KRTAP10-8: variants seen among roughly 807,000 people sequenced by gnomAD.
KRTAP10-8 encodes keratin-associated protein 10-8.
For synonymous variants in KRTAP10-8, 153 were observed against 139.5 expected (o/e 1.10, Z -0.68); for missense variants, 323 against 329.3 (o/e 0.98, Z 0.15).
rs782723091 is a variant in KRTAP10-8 at position 44,612,303 on chromosome 21, C to G, written c.203C>G (p.Pro68Arg). The G allele has an allele frequency of 1.2e-6, 2 of 1,613,622 alleles. No individual in the cohort carries two copies. The highest frequency in any genetic ancestry group is 1.7e-6 in the Non-Finnish European group (2 of 1,180,008). The change falls in exon 1 of 1, where the codon CCA becomes CGA. Residue 68 changes from proline (P) to arginine (R), a missense_variant. Transcript: ENST00000334662. The surrounding 1 kb of genome is among the most constrained non-coding windows in gnomAD (Gnocchi z 4.1). ...TGCTGTACCCCTAGCTGCTGTGCCC[C>G]AGCCCCCTGCCTGGCCCTGGTCTGT... ...SSCCTPSCCA[P>R]APCLALVCAP...
the KRTAP10-8 span, chr21:44,612,443 C>T: frequency 6.2e-7 from 1 of 1,613,210 alleles, no homozygotes; most frequent in East Asian, 2.2e-5. The surrounding 1 kb of genome is among the most constrained non-coding windows in gnomAD (Gnocchi z 4.1). Context: ...CTCCCCCTGC[C>T]AACAGGCCTG....
Position 44,612,944 on chromosome 21 carries a change from G to A in KRTAP10-8, c.*64G>A, listed in dbSNP as rs587615242. ...ACGTCCCCCAGGGCCAGCCGGCTCC[G>A]GTCCTGTCCTGGGTTAAGTGGCTGC... is the stretch of plus-strand genomic sequence containing the variant. On this transcript the variant is annotated 3_prime_UTR_variant, in exon 1 of 1. Transcript: ENST00000334662. This position sits in a 1 kb window ranked among gnomAD's most constrained non-coding sequence, Gnocchi z 4.1. 74 of 1,587,046 alleles carry A rather than the reference G, an allele frequency of 4.7e-5. No homozygotes were observed. Among genetic ancestry groups the A allele is most frequent in the Middle Eastern group, 2.0e-4 (1 of 4,932 alleles).
chr21:44,612,815 T>C lies in KRTAP10-8; in HGVS notation c.715T>C (p.Cys239Arg), dbSNP rs1407682401. 6.2e-7 allele frequency: 1 copy of C among 1,612,942 alleles called. No homozygotes were observed. The highest frequency in any genetic ancestry group is 8.5e-7 in the Non-Finnish European group (1 of 1,179,806). Residue 239 changes from cysteine (C) to arginine (R), a missense_variant, in exon 1 of 1, where the codon TGC (cysteine) becomes CGC (arginine). Cys to Arg is a radical substitution (Grantham distance 180). Coordinates refer to ENST00000334662, the MANE Select transcript of KRTAP10-8 (RefSeq NM_198695.2). The surrounding 1 kb of genome is among the most constrained non-coding windows in gnomAD (Gnocchi z 4.1). Reference sequence around the variant, plus strand: ...CCCTGCCTCCTCCTGCCAGCCCAGCTGCTGCCACCCGGCCTCCTGCCTGTC... The same window carrying C: ...CCCTGCCTCCTCCTGCCAGCCCAGCCGCTGCCACCCGGCCTCCTGCCTGTC... Reference protein sequence around the residue: ...CVPASSCQPSCCHPASCLSFL... With the variant: ...CVPASSCQPSRCHPASCLSFL...
rs1555931072 is a variant in KRTAP10-8 at position 44,612,134 on chromosome 21, A to G, written c.34A>G (p.Ile12Val). 6.2e-7 allele frequency: 1 copy of G among 1,614,056 alleles called. No homozygotes were observed. The highest frequency in any genetic ancestry group is 1.7e-5 in the Admixed American group (1 of 60,016). Residue 12 changes from isoleucine to valine, a missense_variant, in exon 1 of 1, where the codon ATT (isoleucine) becomes GTT (valine). Coordinates refer to ENST00000334662, the MANE Select transcript of KRTAP10-8 (RefSeq NM_198695.2). The surrounding 1 kb of genome is among the most constrained non-coding windows in gnomAD (Gnocchi z 4.1). ...ADACCTRTYV[I>V]AASTMSVCSS... is the part of the protein sequence containing the mutation. The stretch of plus-strand genomic sequence containing the variant: ...CGCCTGCTGCACCAGGACGTATGTG[A>G]TTGCTGCATCCACCATGTCTGTCTG...
At position 44,612,141 on chromosome 21, in the gene KRTAP10-8, C is replaced by T. The variant is rs587593495; in HGVS notation, c.41C>T (p.Ala14Val). 1.2e-6 allele frequency: 2 copies of T among 1,614,086 alleles called. No homozygotes were observed. The highest frequency in any genetic ancestry group is 1.3e-5 in the African/African-American group (1 of 75,036). ...ACCTRTYVIA[A>V]STMSVCSSDV... Reference sequence around the variant, plus strand: ...TGCACCAGGACGTATGTGATTGCTGCATCCACCATGTCTGTCTGCTCCAGT... The same window carrying T: ...TGCACCAGGACGTATGTGATTGCTGTATCCACCATGTCTGTCTGCTCCAGT... The change falls in exon 1 of 1, where the codon GCA (alanine) becomes GTA (valine). Residue 14 changes from alanine (A) to valine (V), a missense_variant. Transcript: ENST00000334662. The surrounding 1 kb of genome is among the most constrained non-coding windows in gnomAD (Gnocchi z 4.1).
rs1981777104 is a variant in KRTAP10-8 at position 44,612,589 on chromosome 21, G to A, written c.489G>A (p.Gln163=). The A allele has an allele frequency of 1.9e-6, 3 of 1,614,028 alleles. No homozygotes were observed. The African/African-American group carries it at 4.0e-5, about 22-fold the overall frequency. Residue 163 remains glutamine, a synonymous_variant, in exon 1 of 1, where the codon CAG becomes CAA. Transcript: ENST00000334662. This position sits in a 1 kb window ranked among gnomAD's most constrained non-coding sequence, Gnocchi z 4.1. ...SACCTFSPCQ[Q]ACCVPICCKP... is the part of the protein sequence containing the mutation. ...GCTGCACCTTCTCCCCATGCCAACA[G>A]GCCTGCTGTGTGCCCATCTGCTGCA...
chr21:44,612,186 G>T lies in KRTAP10-8; in HGVS notation c.86G>T (p.Arg29Leu), dbSNP rs201632967. ...VCSSDVGHVS[R>L]VSSPSTCTGS... ...TCCAGTGACGTGGGCCATGTCAGCC[G>T]AGTCTCCTCCCCCAGCACCTGCACT... Residue 29 changes from arginine (R) to leucine (L), a missense_variant, in exon 1 of 1, where the codon CGA (arginine) becomes CTA (leucine). Physicochemically the swap from Arg to Leu is moderately radical, Grantham distance 102. Transcript: ENST00000334662. The surrounding 1 kb of genome is among the most constrained non-coding windows in gnomAD (Gnocchi z 4.1). 5 of 1,613,970 alleles carry T rather than the reference G, an allele frequency of 3.1e-6. No homozygotes were observed. In the South Asian group the frequency reaches 4.4e-5, roughly 14 times the overall value.
At position 44,612,098 on chromosome 21, in the gene KRTAP10-8, AC is replaced by A; in HGVS notation, c.-1del. On this transcript the variant is annotated 5_prime_UTR_variant, in exon 1 of 1. Transcript: ENST00000334662. This position sits in a 1 kb window ranked among gnomAD's most constrained non-coding sequence, Gnocchi z 4.1. ...ACTCACACCACCCAGTCCAGCACCC[AC>A]CATGGCTGACGCCTGCTGCACCAGG... The A allele has an allele frequency of 1.2e-6, 2 of 1,612,758 alleles. No homozygotes were observed. Among genetic ancestry groups the A allele is most frequent in the Non-Finnish European group, 1.7e-6 (2 of 1,179,252 alleles).
chr21:44,612,542 C>T, the KRTAP10-8 span: 1 of 1,613,616 alleles, frequency 6.2e-7, no homozygotes, highest in Non-Finnish European at 8.5e-7. The surrounding 1 kb of genome is among the most constrained non-coding windows in gnomAD (Gnocchi z 4.1). Flanking sequence ...ATGCTGCCAG[C>T]AGTCTAGCTG....
In KRTAP10-8 at chr21:44,612,744, C is replaced by T; in HGVS notation, c.644C>T (p.Pro215Leu). 2 of 1,613,818 alleles carry T rather than the reference C, an allele frequency of 1.2e-6. No individual in the cohort carries two copies. Among genetic ancestry groups the T allele is most frequent in the South Asian group, 2.2e-5 (2 of 91,054 alleles). Residue 215 changes from proline to leucine, a missense_variant, in exon 1 of 1, where the codon CCT (proline) becomes CTT (leucine). By Grantham distance (98) the Pro-to-Leu change is moderately conservative. Coordinates refer to ENST00000334662, the MANE Select transcript of KRTAP10-8 (RefSeq NM_198695.2). This position sits in a 1 kb window ranked among gnomAD's most constrained non-coding sequence, Gnocchi z 4.1. ...PSSSVSLLCRPVCRPACCVPV... is the reference protein window; with the variant it reads ...PSSSVSLLCRLVCRPACCVPV... ...TCCTCCGTGTCCCTCCTCTGCCGCC[C>T]TGTGTGCCGGCCTGCCTGCTGTGTG... is the stretch of plus-strand genomic sequence containing the variant.
Position 44,612,917 on chromosome 21 carries a change from G to A in KRTAP10-8, c.*37G>A. 6.2e-7 allele frequency: 1 copy of A among 1,603,836 alleles called. No individual in the cohort carries two copies. Among genetic ancestry groups the A allele is most frequent in the South Asian group, 1.1e-5 (1 of 90,678 alleles). ...AGGCCAGGAGTCCAGCTGCTGATGG[G>A]CACGTCCCCCAGGGCCAGCCGGCTC... is the stretch of plus-strand genomic sequence containing the variant. On this transcript the variant is annotated 3_prime_UTR_variant, in exon 1 of 1. Coordinates refer to ENST00000334662, the MANE Select transcript of KRTAP10-8 (RefSeq NM_198695.2). The surrounding 1 kb of genome is among the most constrained non-coding windows in gnomAD (Gnocchi z 4.1).
At position 44,612,929 on chromosome 21, in the gene KRTAP10-8, G is replaced by C; in HGVS notation, c.*49G>C. 6.3e-7 allele frequency: 1 copy of C among 1,597,686 alleles called. No homozygotes were observed. Among genetic ancestry groups the C allele is most frequent in the Non-Finnish European group, 8.5e-7 (1 of 1,174,332 alleles). On this transcript the variant is annotated 3_prime_UTR_variant, in exon 1 of 1. Coordinates refer to ENST00000334662, the MANE Select transcript of KRTAP10-8 (RefSeq NM_198695.2). The surrounding 1 kb of genome is among the most constrained non-coding windows in gnomAD (Gnocchi z 4.1). ...CAGCTGCTGATGGGCACGTCCCCCA[G>C]GGCCAGCCGGCTCCGGTCCTGTCCT...
At position 44,612,252 on chromosome 21, in the gene KRTAP10-8, G is replaced by A. The variant is rs1555931181; in HGVS notation, c.152G>A (p.Cys51Tyr). 1 of 1,613,572 alleles carries A rather than the reference G, an allele frequency of 6.2e-7. No individual in the cohort carries two copies. The highest frequency in any genetic ancestry group is 2.2e-5 in the East Asian group (1 of 44,876). ...GTGGACAATTGCCAGGAAAGCTGCT[G>A]CGAGCCCCGCTCCTGTGCCTCCAGC... ...WQVDNCQESCCEPRSCASSCC... is the reference protein window; with the variant it reads ...WQVDNCQESCYEPRSCASSCC... Residue 51 changes from cysteine to tyrosine, a missense_variant, in exon 1 of 1, where the codon TGC (cysteine) becomes TAC (tyrosine). Physicochemically the swap from Cys to Tyr is radical, Grantham distance 194. Coordinates refer to ENST00000334662, the MANE Select transcript of KRTAP10-8 (RefSeq NM_198695.2). The surrounding 1 kb of genome is among the most constrained non-coding windows in gnomAD (Gnocchi z 4.1).
chr21:44,612,795 C>A lies in KRTAP10-8; in HGVS notation c.695C>A (p.Ala232Asp), dbSNP rs1981802679. Residue 232 changes from alanine to aspartate, a missense_variant, in exon 1 of 1, where the codon GCC becomes GAC. Physicochemically the swap from Ala to Asp is moderately radical, Grantham distance 126. Coordinates refer to ENST00000334662, the MANE Select transcript of KRTAP10-8 (RefSeq NM_198695.2). This position sits in a 1 kb window ranked among gnomAD's most constrained non-coding sequence, Gnocchi z 4.1. ...CVPVPSCCVP[A>D]SSCQPSCCHP... ...CCTGTCCCCTCCTGTTGTGTCCCTG[C>A]CTCCTCCTGCCAGCCCAGCTGCTGC... 3.1e-6 allele frequency: 5 copies of A among 1,613,388 alleles called. No homozygotes were observed. Among genetic ancestry groups the A allele is most frequent in the Admixed American group, 1.7e-5 (1 of 59,988 alleles).
At position 44,612,327 on chromosome 21, in the gene KRTAP10-8, G is replaced by C; in HGVS notation, c.227G>C (p.Cys76Ser). 6.2e-7 allele frequency: 1 copy of C among 1,613,702 alleles called. No homozygotes were observed. Among genetic ancestry groups the C allele is most frequent in the Middle Eastern group, 1.7e-4 (1 of 6,036 alleles). ...CAPAPCLALV[C>S]APVSCEPSPC... ...CCAGCCCCCTGCCTGGCCCTGGTCT[G>C]TGCCCCAGTGAGCTGTGAGCCCAGC... The change falls in exon 1 of 1, where the codon TGT becomes TCT. Residue 76 changes from cysteine to serine, a missense_variant. Physicochemically the swap from Cys to Ser is moderately radical, Grantham distance 112. Coordinates refer to ENST00000334662, the MANE Select transcript of KRTAP10-8 (RefSeq NM_198695.2). This position sits in a 1 kb window ranked among gnomAD's most constrained non-coding sequence, Gnocchi z 4.1.
rs1555931439 is a variant in KRTAP10-8, at chr21:44,612,609, G to C, written c.509G>C (p.Cys170Ser). 3 of 1,613,962 alleles carry C rather than the reference G, an allele frequency of 1.9e-6. No individual in the cohort carries two copies. Among genetic ancestry groups the C allele is most frequent in the Admixed American group, 1.7e-5 (1 of 60,008 alleles). ...PCQQACCVPI[C>S]CKPICCVPVC... The stretch of plus-strand genomic sequence containing the variant: ...CAACAGGCCTGCTGTGTGCCCATCT[G>C]CTGCAAGCCCATCTGCTGTGTGCCT... The change falls in exon 1 of 1, where the codon TGC becomes TCC. Residue 170 changes from cysteine (C) to serine (S), a missense_variant. Coordinates refer to ENST00000334662, the MANE Select transcript of KRTAP10-8 (RefSeq NM_198695.2). The surrounding 1 kb of genome is among the most constrained non-coding windows in gnomAD (Gnocchi z 4.1).
At position 44,612,127 on chromosome 21, in the gene KRTAP10-8, G is replaced by A. The variant is rs782005054; in HGVS notation, c.27G>A (p.Thr9=). The A allele has an allele frequency of 4.3e-5, 70 of 1,613,938 alleles. No individual in the cohort carries two copies. The highest frequency in any genetic ancestry group is 2.7e-4 in the Admixed American group (16 of 59,992). Reference sequence around the variant, plus strand: ...TGGCTGACGCCTGCTGCACCAGGACGTATGTGATTGCTGCATCCACCATGT... The same window carrying A: ...TGGCTGACGCCTGCTGCACCAGGACATATGTGATTGCTGCATCCACCATGT... MADACCTR[T]YVIAASTMSV... Residue 9 remains threonine, a synonymous_variant, in exon 1 of 1, where the codon ACG becomes ACA. Transcript: ENST00000334662. The surrounding 1 kb of genome is among the most constrained non-coding windows in gnomAD (Gnocchi z 4.1).
In KRTAP10-8 at chr21:44,612,113, T is replaced by G; in HGVS notation, c.13T>G (p.Cys5Gly). 6.2e-7 allele frequency: 1 copy of G among 1,613,454 alleles called. No individual in the cohort carries two copies. The highest frequency in any genetic ancestry group is 8.5e-7 in the Non-Finnish European group (1 of 1,179,770). The part of the protein sequence containing the change: MADA[C>G]CTRTYVIAAS... ...TCCAGCACCCACCATGGCTGACGCC[T>G]GCTGCACCAGGACGTATGTGATTGC... Residue 5 changes from cysteine to glycine, a missense_variant, in exon 1 of 1, where the codon TGC becomes GGC. Coordinates refer to ENST00000334662, the MANE Select transcript of KRTAP10-8 (RefSeq NM_198695.2). The surrounding 1 kb of genome is among the most constrained non-coding windows in gnomAD (Gnocchi z 4.1).
At position 44,612,261 on chromosome 21, in the gene KRTAP10-8, G is replaced by T; in HGVS notation, c.161G>T (p.Arg54Leu). The T allele has an allele frequency of 6.2e-7, 1 of 1,613,436 alleles. No individual in the cohort carries two copies. The highest frequency in any genetic ancestry group is 8.5e-7 in the Non-Finnish European group (1 of 1,179,974). Residue 54 changes from arginine to leucine, a missense_variant, in exon 1 of 1, where the codon CGC becomes CTC. Coordinates refer to ENST00000334662, the MANE Select transcript of KRTAP10-8 (RefSeq NM_198695.2). The surrounding 1 kb of genome is among the most constrained non-coding windows in gnomAD (Gnocchi z 4.1). The stretch of plus-strand genomic sequence containing the variant: ...TGCCAGGAAAGCTGCTGCGAGCCCC[G>T]CTCCTGTGCCTCCAGCTGCTGTACC... ...DNCQESCCEP[R>L]SCASSCCTPS...
Sources: gnomAD v4.1 joint callset for allele counts on GRCh38, gnomAD v4.1.1 for gene constraint, Gnocchi (gnomAD v3.1) non-coding constraint, MANE v1.5 for transcripts, NCBI Gene and HGNC (gene_info 2026-07-23, HGNC 2026-07-21) for gene names.